SLC23A2: variants seen among roughly 807,000 people sequenced by gnomAD.
SLC23A2 encodes the protein Na(+)/L-ascorbic acid transporter 2.
SLC23A2 carries 36 observed loss-of-function variants against 73.3 expected under a neutral mutation model. The ratio of observed to expected loss-of-function variants is 0.49; its 90% confidence interval spans 0.38 to 0.65. SLC23A2 has a LOEUF of 0.65. SLC23A2 is among the 30% of genes least tolerant of loss of function. The pLI is 0.00. For missense variants in SLC23A2, 507 were observed against 841.6 expected, an observed-to-expected ratio of 0.60 and a Z score of 4.92; for synonymous variants, 343 against 327.3, an observed-to-expected ratio of 1.05 and a Z score of -0.52.
chr20:4,995,630 T>C (rs568977386), intron 1 of SLC23A2, among the ~76,000 whole-genome samples: 247 of 152,264 alleles, frequency 1.6e-3, no homozygotes, highest in Non-Finnish European at 3.0e-3. Flanking sequence ...TAACCCTACT[T>C]TCTATCCCAA....
intron 13 of SLC23A2, among the ~76,000 whole-genome samples, chr20:4,867,548 T>C (rs1166908575): frequency 6.9e-6 from 1 of 145,938 alleles, no homozygotes; most frequent in African/African-American, 2.6e-5. Context: ...TACTGCATGA[T>C]GGAATGACAG....
upstream of SLC23A2, among the ~76,000 whole-genome samples, chr20:5,002,742 A>C (rs144809344): frequency 2.4e-3 from 365 of 152,108 alleles, no homozygotes; most frequent in Non-Finnish European, 4.5e-3. Context: ...CTTATATTTA[A>C]TTTTTTAGAG....
intron 1 of SLC23A2, among the ~76,000 whole-genome samples, chr20:4,975,076 G>A (rs951152215): frequency 1.4e-4 from 22 of 152,150 alleles, no homozygotes; most frequent in East Asian, 7.7e-4. Flanking sequence ...GTGAGCCACC[G>A]TGCCTGGCCA....
rs1222385406 is a variant in SLC23A2, at chr20:4,868,044, A to G, written c.1251-169T>C. Among the ~76,000 whole-genome samples the G allele has an allele frequency of 1.3e-5, 2 of 148,434 alleles. No individual in the cohort carries two copies. Among genetic ancestry groups the G allele is most frequent in the Non-Finnish European group, 3.0e-5 (2 of 67,260 alleles). Reference sequence around the variant, plus strand: ...AAAATACAATCTCAGACCCCACCCCAGACCTGCTGAAGCAGAAAAGAATCT... The same window carrying G: ...AAAATACAATCTCAGACCCCACCCCGGACCTGCTGAAGCAGAAAAGAATCT... On this transcript the variant is annotated intron_variant, in intron 12 of 16. Coordinates refer to ENST00000338244, the MANE Select transcript of SLC23A2 (RefSeq NM_005116.6). The surrounding 1 kb of genome is among the most constrained non-coding windows in gnomAD (Gnocchi z 4.4).
chr20:4,958,179 T>G (rs778044898), intron 2 of SLC23A2, among the ~76,000 whole-genome samples: 15 of 152,230 alleles, frequency 9.9e-5, no homozygotes, highest in Non-Finnish European at 1.6e-4. Flanking sequence ...AAAGCATCAC[T>G]GCACTGGCAT....
intron 3 of SLC23A2, among the ~76,000 whole-genome samples, chr20:4,916,228 C>T (rs1932317686): frequency 6.6e-6 from 1 of 152,194 alleles, no homozygotes; most frequent in South Asian, 2.1e-4. Context: ...TGCTCCAAGT[C>T]ATATCGCAGC....
intron 1 of SLC23A2, among the ~76,000 whole-genome samples, chr20:4,994,833 C>CT (rs1442898354): frequency 3.3e-5 from 5 of 151,928 alleles, no homozygotes. Context: ...ACTCAGGAGG[C>CT]TGAGGCAGGA....
rs1929761833 is a variant in SLC23A2 at position 4,857,321 on chromosome 20, C to T, written c.1721-117G>A. On this transcript the variant is annotated intron_variant, in intron 16 of 16. Coordinates refer to ENST00000338244, the MANE Select transcript of SLC23A2 (RefSeq NM_005116.6). This position sits in a 1 kb window ranked among gnomAD's most constrained non-coding sequence, Gnocchi z 4.0. ...ACACACACACACACACACACACACA[C>T]ACACACACACACACATGGTCCCACA... The T allele has an allele frequency of 1.3e-5, 7 of 529,116 alleles. No individual in the cohort carries two copies. The highest frequency in any genetic ancestry group is 2.3e-5 in the Non-Finnish European group (7 of 301,336). 32.8% of individuals were successfully genotyped at this position (529,116 alleles called of 1,614,324 possible).
intron 13 of SLC23A2, among the ~76,000 whole-genome samples, chr20:4,866,424 T>C (rs1416563915): frequency 2.0e-5 from 3 of 152,352 alleles, no homozygotes; most frequent in South Asian, 2.1e-4. Context: ...AAGAGTGGCA[T>C]GGCTTAGGCC....
At chr20:4,930,833 A>G (rs557650175) in intron 3 of SLC23A2, among the ~76,000 whole-genome samples, 6 of 151,980 alleles carry the variant, frequency 3.9e-5, no homozygotes, top group Admixed American at 3.3e-4. Flanking sequence ...AAAAGATGCC[A>G]TGTTCAAGTT....
chr20:4,912,745 C>T, intron 4 of SLC23A2, 135 bp downstream of exon 4: 1 of 674,910 alleles, frequency 1.5e-6, no homozygotes, highest in South Asian at 1.7e-5. Context: ...AGAACACAGC[C>T]CCTTGGGAGT....
At chr20:4,898,084 T>C (rs557598657) in intron 6 of SLC23A2, among the ~76,000 whole-genome samples, 65 of 152,284 alleles carry the variant, frequency 4.3e-4, no homozygotes, top group Admixed American at 1.2e-3. Flanking sequence ...AAGAGGGTGC[T>C]AGTCAGGTTG....
intron 1 of SLC23A2, among the ~76,000 whole-genome samples, chr20:4,979,274 C>T (rs2087690731): frequency 1.4e-5 from 2 of 144,922 alleles, no homozygotes; most frequent in Admixed American, 6.6e-5. Flanking sequence ...GCCTGGGCAA[C>T]AGGGTGAGAC....
chr20:4,909,572 T>C (rs1358428797), intron 4 of SLC23A2, among the ~76,000 whole-genome samples: 1 of 152,138 alleles, frequency 6.6e-6, no homozygotes, highest in Non-Finnish European at 1.5e-5. Context: ...CTCTTTTGTT[T>C]TGAGACAGTC....
At chr20:4,963,259 T>C (rs899389755) in intron 2 of SLC23A2, among the ~76,000 whole-genome samples, 8 of 152,206 alleles carry the variant, frequency 5.3e-5, no homozygotes, top group Admixed American at 3.3e-4. Flanking sequence ...TATGCTTTTC[T>C]CAAGTTCATG....
rs569552151 is a variant in SLC23A2, at chr20:4,953,896, T to C, written c.-155+16897A>G. ...AGACAGAGACTGTCTCAAAAATAGATAAATAAAAATAAAATAAATGCCAAC... is the reference window on the plus strand; with the variant it reads ...AGACAGAGACTGTCTCAAAAATAGACAAATAAAAATAAAATAAATGCCAAC... On this transcript the variant is annotated intron_variant, in intron 2 of 16. Coordinates refer to ENST00000338244, the MANE Select transcript of SLC23A2 (RefSeq NM_005116.6). 4.0e-5 allele frequency among the ~76,000 whole-genome samples: 6 copies of C among 151,626 alleles called. No homozygotes were observed. In the South Asian group the frequency reaches 1.3e-3, roughly 32 times the overall value.
intron 2 of SLC23A2, among the ~76,000 whole-genome samples, chr20:4,964,923 G>A (rs2087451504): frequency 1.3e-5 from 2 of 151,446 alleles, no homozygotes; most frequent in South Asian, 4.2e-4. Flanking sequence ...AAGGAAAATG[G>A]AGGAAAACAC....
At chr20:4,921,021 T>C (rs949249455) in intron 3 of SLC23A2, among the ~76,000 whole-genome samples, 28 of 152,190 alleles carry the variant, frequency 1.8e-4, no homozygotes, top group Non-Finnish European at 3.8e-4. Context: ...AGTGTTTGGC[T>C]TCACTGAAAC....
At chr20:4,976,724 C>T (rs969940944) in intron 1 of SLC23A2, among the ~76,000 whole-genome samples, 1 of 151,934 alleles carries the variant, frequency 6.6e-6, no homozygotes, top group Non-Finnish European at 1.5e-5. Flanking sequence ...CCTGTAATCC[C>T]AGCACTTTGG....
Sources: allele counts gnomAD v4.1 joint callset (sites outside exome capture counted in the v4.1 genomes callset), GRCh38; gene constraint gnomAD v4.1.1; non-coding constraint Gnocchi (gnomAD v3.1); transcripts MANE v1.5; gene names NCBI Gene and HGNC (gene_info 2026-07-23, HGNC 2026-07-21).